The following NAV2 variants were observed in gnomAD, a reference collection of about 807,000 sequenced individuals.
NAV2 encodes the protein neuron navigator 2.
Under a neutral mutation model 223.2 loss-of-function variants are expected in NAV2, and 54 were observed. The observed-to-expected ratio is 0.24, with a 90% CI of 0.19 to 0.30. The LOEUF (loss-of-function observed/expected upper bound fraction) is 0.30. Among genes scored for constraint, NAV2 ranks in the 10% least tolerant of loss-of-function variants. NAV2 has a pLI of 1.00. For synonymous variants in NAV2, 1,279 were observed against 1,239.3 expected (o/e 1.03, Z -0.67); for missense variants, 2,806 against 3,147.5 (o/e 0.89, Z 2.60).
chr11:19,828,599 C>T (rs2059773341), intron 1 of NAV2, among the ~76,000 whole-genome samples: 1 of 152,274 alleles, frequency 6.6e-6, no homozygotes, highest in Non-Finnish European at 1.5e-5. Flanking sequence ...GGTGATCCCC[C>T]CACGTCAGCC....
intron 1 of NAV2, among the ~76,000 whole-genome samples, chr11:19,749,301 A>G (rs1426300807): frequency 1.3e-5 from 2 of 152,180 alleles, no homozygotes; most frequent in African/African-American, 4.8e-5. Context: ...AGGTGGGGGC[A>G]TCTCCCTCCC....
chr11:19,499,753 G>A (rs1471728982), intron 1 of NAV2, among the ~76,000 whole-genome samples: 1 of 152,192 alleles, frequency 6.6e-6, no homozygotes, highest in African/African-American at 2.4e-5. Flanking sequence ...AGGCCTGGCA[G>A]GTTATAAGAG....
intron 6 of NAV2, among the ~76,000 whole-genome samples, chr11:19,899,849 T>C (rs2042296636): frequency 6.6e-6 from 1 of 152,212 alleles, no homozygotes; most frequent in Admixed American, 6.5e-5. Flanking sequence ...GCAAATCTGC[T>C]GGGTTCACTG....
intron 11 of NAV2, among the ~76,000 whole-genome samples, chr11:19,997,397 C>T (rs1186488140): frequency 2.0e-5 from 3 of 152,102 alleles, no homozygotes; most frequent in Non-Finnish European, 2.9e-5. Flanking sequence ...TCTGGGTACA[C>T]CAGAAACAGA....
At chr11:19,884,229 G>T (rs2063392824) in intron 5 of NAV2, 2 of 1,194,390 alleles carry the variant, frequency 1.7e-6, no homozygotes, top group African/African-American at 1.5e-5. Flanking sequence ...CTTAGGATTT[G>T]TGTGTCTAAT....
chr11:19,354,631 C>G (rs905380004), intron 1 of NAV2, among the ~76,000 whole-genome samples: 2 of 152,222 alleles, frequency 1.3e-5, no homozygotes, highest in African/African-American at 4.8e-5. Flanking sequence ...AAAGTGTGTG[C>G]TTTTAAAGTT....
rs57244853 is a variant in NAV2 at position 19,588,450 on chromosome 11, G to A, written c.75+237423G>A. On this transcript the variant is annotated intron_variant, in intron 1 of 37. Transcript: ENST00000360655. ...ACCCACTTGACAGTGGCTTCCTGAA[G>A]ATGAATTCTGACGGCAAGCATGCTG... 9.6e-3 allele frequency among the ~76,000 whole-genome samples: 1,459 copies of A among 152,264 alleles called. 23 individuals carry two copies. Among genetic ancestry groups the A allele is most frequent in the African/African-American group, 0.033 (1,390 of 41,544 alleles).
At chr11:19,868,782 T>C in intron 3 of NAV2, 143 bp from the exon 4 acceptor site, 1 of 704,794 alleles carries the variant, frequency 1.4e-6, no homozygotes, top group Non-Finnish European at 2.3e-6. Flanking sequence ...CCTGTGCAAG[T>C]ACAGACAAAA....
At chr11:19,928,057 C>A (rs1159545956) in intron 6 of NAV2, among the ~76,000 whole-genome samples, 1 of 152,150 alleles carries the variant, frequency 6.6e-6, no homozygotes, top group Admixed American at 6.5e-5. Flanking sequence ...CTTATTTGAG[C>A]CTTCTGGTTT....
chr11:19,612,529 G>C (rs1449399847), intron 1 of NAV2, among the ~76,000 whole-genome samples: 6 of 152,184 alleles, frequency 3.9e-5, no homozygotes, highest in African/African-American at 1.4e-4. Flanking sequence ...TCTTCCGCCA[G>C]ATACCCTAAA....
intron 11 of NAV2, among the ~76,000 whole-genome samples, chr11:20,031,975 A>T (rs1470068809): frequency 6.6e-6 from 1 of 152,180 alleles, no homozygotes; most frequent in Non-Finnish European, 1.5e-5. Context: ...TTTTCCTCAG[A>T]ATACATCTGC....
chr11:19,620,241 G>A (rs1175047355), intron 1 of NAV2, among the ~76,000 whole-genome samples: 6 of 152,030 alleles, frequency 3.9e-5, no homozygotes, highest in African/African-American at 4.8e-5. Flanking sequence ...TTGGCAATGT[G>A]GGCTCTTTTT....
At chr11:19,906,341 C>A (rs1175752675) in intron 6 of NAV2, among the ~76,000 whole-genome samples, 1 of 152,086 alleles carries the variant, frequency 6.6e-6, no homozygotes, top group African/African-American at 2.4e-5. Context: ...CGTGACCTGC[C>A]CAAATTCTTG....
At position 20,045,665 on chromosome 11, in the gene NAV2, C is replaced by G. The variant is rs2057354645; in HGVS notation, c.3897C>G (p.Leu1299=). The G allele has an allele frequency of 6.2e-7, 1 of 1,612,266 alleles. No individual in the cohort carries two copies. Among genetic ancestry groups the G allele is most frequent in the Non-Finnish European group, 8.5e-7 (1 of 1,178,646 alleles). ...AKYPDVASPT[L]RRLFGGKPTK... Reference sequence around the variant, plus strand: ...ACCCAGATGTGGCCTCTCCCACACTCCGCAGGTAAGTGAGTACATAAATGG... The same window carrying G: ...ACCCAGATGTGGCCTCTCCCACACTGCGCAGGTAAGTGAGTACATAAATGG... Residue 1299 remains leucine (L), a synonymous_variant, in exon 14 of 38, where the codon CTC becomes CTG. Coordinates refer to ENST00000349880, the MANE Select transcript of NAV2 (RefSeq NM_145117.5).
Position 19,948,771 on chromosome 11 carries a change from C to T in NAV2, c.2336C>T (p.Thr779Ile). 6.2e-7 allele frequency: 1 copy of T among 1,613,518 alleles called. No individual in the cohort carries two copies. The highest frequency in any genetic ancestry group is 1.3e-5 in the African/African-American group (1 of 74,958). Residue 779 changes from threonine (T) to isoleucine (I), a missense_variant, in exon 10 of 38, where the codon ACA becomes ATA. Thr to Ile is a moderately conservative substitution (Grantham distance 89, BLOSUM62 -1). This residue lies in a region of NAV2 where 1,167 missense variants were observed against 1,180.5 expected (regional missense o/e 0.99). Coordinates refer to ENST00000349880, the MANE Select transcript of NAV2 (RefSeq NM_145117.5). ...ATACTCAGCTTGACAGGGAGGCCCACACCTCTGTCCTGGAGACTGGGCCAG... is the reference window on the plus strand; with the variant it reads ...ATACTCAGCTTGACAGGGAGGCCCATACCTCTGTCCTGGAGACTGGGCCAG... Reference protein sequence around the residue: ...RSILSLTGRPTPLSWRLGQSS... With the variant: ...RSILSLTGRPIPLSWRLGQSS...
intron 6 of NAV2, among the ~76,000 whole-genome samples, chr11:19,910,354 G>C (rs1270922951): frequency 6.6e-6 from 1 of 152,166 alleles, no homozygotes; most frequent in Non-Finnish European, 1.5e-5. Flanking sequence ...AACAAAACCA[G>C]CCAATGCCAG....
chr11:20,048,848 G>C lies in NAV2; in HGVS notation c.4023G>C (p.Pro1341=), dbSNP rs144293189. ...TMTQQGNLDS[P]SGSGVLSSGS... ...CTCAGCAAGGTAACCTAGACTCCCC[G>C]TCAGGCAGTGGCGTCCTGAGCAGTG... The change falls in exon 15 of 38, where the codon CCG becomes CCC. Residue 1341 remains proline (P), a synonymous_variant. Transcript: ENST00000349880. 2.0e-3 allele frequency: 3,296 copies of C among 1,614,094 alleles called. 4 individuals are homozygous for C. The highest frequency in any genetic ancestry group is 2.3e-3 in the Non-Finnish European group (2,726 of 1,180,010).
chr11:19,984,292 CA>C, intron 11 of NAV2, 45 bp downstream of exon 11: 3 of 1,606,402 alleles, frequency 1.9e-6, no homozygotes, highest in Non-Finnish European at 2.5e-6. Flanking sequence ...GAGGTGATCC[CA>C]GGGGGGCCCT....
chr11:19,555,572 T>C (rs1431042860), intron 1 of NAV2, among the ~76,000 whole-genome samples: 1 of 152,184 alleles, frequency 6.6e-6, no homozygotes, highest in Non-Finnish European at 1.5e-5. Context: ...TGAAGGTCAA[T>C]GTTCAAGTTT....
Sources: allele counts gnomAD v4.1 joint callset (sites outside exome capture counted in the v4.1 genomes callset), GRCh38; gene constraint gnomAD v4.1.1; regional missense constraint gnomAD v4.1.1; transcripts MANE v1.5; gene names NCBI Gene and HGNC (gene_info 2026-07-23, HGNC 2026-07-21).